Variants in RYR3 observed in about 807,000 individuals in gnomAD.
The protein encoded by RYR3 is brain ryanodine receptor-calcium release channel.
RYR3 carries 207 observed loss-of-function variants against 584.3 expected under a neutral mutation model. The ratio of observed to expected loss-of-function variants is 0.35; its 90% CI spans 0.32 to 0.40. RYR3 has a LOEUF of 0.40. Among genes scored for constraint, RYR3 ranks in the 10% least tolerant of loss-of-function variants. The probability of loss-of-function intolerance (pLI) is 1.00; values close to 1 mark genes in which losing one functional copy is unlikely to be tolerated. For synonymous variants in RYR3, 2,416 were observed against 2,248.5 expected, an observed-to-expected ratio of 1.07 and a Z score of -2.11; for missense variants, 5,616 against 6,089.2, an observed-to-expected ratio of 0.92 and a Z score of 2.59.
At chr15:33,823,442 A>T (rs774513986) in intron 81 of RYR3, among the ~76,000 whole-genome samples, 1 of 152,168 alleles carries the variant, frequency 6.6e-6, no homozygotes, top group Non-Finnish European at 1.5e-5. Context: ...AAAAGGGGGG[A>T]TTCCTGACTA....
At chr15:33,617,475 T>A (rs16973321) in intron 19 of RYR3, among the ~76,000 whole-genome samples, 26,527 of 152,042 alleles carry the variant, frequency 0.17, 2,497 homozygotes, top group African/African-American at 0.23. Flanking sequence ...ATACTGTAGA[T>A]CACTTGCCTG....
At chr15:33,605,601 C>T (rs1266801888) in intron 18 of RYR3, among the ~76,000 whole-genome samples, 2 of 152,200 alleles carry the variant, frequency 1.3e-5, no homozygotes, top group Non-Finnish European at 2.9e-5. Context: ...AAACCAGTGT[C>T]TCCAAGTTTT....
chr15:33,701,094 G>T lies in RYR3; in HGVS notation c.6483+14G>T. 1 of 1,586,092 alleles carries T rather than the reference G, an allele frequency of 6.3e-7. No homozygotes were observed. The highest frequency in any genetic ancestry group is 1.3e-5 in the African/African-American group (1 of 74,496). ...GACCTCGAGAAGGTAACCGGCCCTT[G>T]GGGTGGCAGTGTGGTGTTCTCTTCG... On this transcript the variant is annotated intron_variant, in intron 42 of 103. Coordinates refer to ENST00000634891, the MANE Select transcript of RYR3 (RefSeq NM_001036.6).
intron 94 of RYR3, chr15:33,849,051 T>C (rs2078917742): frequency 6.6e-6 from 1 of 152,418 alleles, no homozygotes; most frequent in Admixed American, 6.5e-5. Flanking sequence ...TTAGCCAGGA[T>C]GGTCTCGATC....
At chr15:33,356,044 G>A (rs751600860) in intron 1 of RYR3, among the ~76,000 whole-genome samples, 18 of 152,066 alleles carry the variant, frequency 1.2e-4, no homozygotes, top group Admixed American at 2.0e-4. Flanking sequence ...GATGGCGGGG[G>A]GTTCTCAGTT....
intron 38 of RYR3, among the ~76,000 whole-genome samples, chr15:33,676,241 T>TAA (rs10690504): frequency 0.38 from 54,241 of 143,230 alleles, 11,174 homozygotes; most frequent in African/African-American, 0.55. Flanking sequence ...CTCTAGAAGG[T>TAA]AAAAAAAAAA....
intron 89 of RYR3, 142 bp downstream of exon 89, chr15:33,839,100 T>C (rs761557515): frequency 5.7e-6 from 6 of 1,045,276 alleles, no homozygotes; most frequent in African/African-American, 3.2e-5. Context: ...ACGCTGATCT[T>C]ATAATTCCAC....
At chr15:33,781,383 C>A (rs2074370348) in intron 65 of RYR3, among the ~76,000 whole-genome samples, 1 of 152,116 alleles carries the variant, frequency 6.6e-6, no homozygotes, top group Admixed American at 6.5e-5. Flanking sequence ...TATTCAGAAC[C>A]AATGTTTTCT....
Position 33,464,378 on chromosome 15 carries a change from A to G in RYR3, c.52-9041A>G, listed in dbSNP as rs556212610. Among the ~76,000 whole-genome samples the G allele has an allele frequency of 4.0e-5, 6 of 150,182 alleles. No individual in the cohort carries two copies. In the East Asian group the frequency reaches 6.0e-4, roughly 15 times the overall value. ...GGTTTTGAGGGAGGATAATGCTTCA[A>G]AAACTTGAGCTCTAAGGATAGGACC... is the stretch of plus-strand genomic sequence containing the variant. On this transcript the variant is annotated intron_variant, in intron 1 of 103. Transcript: ENST00000634891.
rs1312423585 is a variant in RYR3, at chr15:33,826,269, G to C, written c.11164G>C (p.Gly3722Arg). Residue 3722 changes from glycine to arginine, a missense_variant and splice_region_variant, in exon 83 of 104, where the codon GGT (glycine) becomes CGT (arginine). Gly to Arg is a moderately radical substitution (Grantham distance 125). Transcript: ENST00000634891. ...ATTACCAGTCATTGTTCGGGAACGT[G>C]GTAAGTTTCAGTTTCTGGCCTGAGT... ...EEGTLIVRERGEKVLQNDEFT... is the reference protein window; with the variant it reads ...EEGTLIVRERREKVLQNDEFT... The C allele has an allele frequency of 5.6e-6, 9 of 1,613,796 alleles. No individual in the cohort carries two copies. The highest frequency in any genetic ancestry group is 7.6e-6 in the Non-Finnish European group (9 of 1,179,730).
chr15:33,641,979 A>G (rs1311726258), intron 27 of RYR3, among the ~76,000 whole-genome samples: 2 of 149,218 alleles, frequency 1.3e-5, no homozygotes, highest in East Asian at 1.9e-4. Flanking sequence ...TGACTCGAGG[A>G]TAAAGGATCT....
intron 1 of RYR3, among the ~76,000 whole-genome samples, chr15:33,345,260 T>A (rs1972309159): frequency 6.6e-6 from 1 of 152,170 alleles, no homozygotes; most frequent in Non-Finnish European, 1.5e-5. Flanking sequence ...AGCCACTATG[T>A]GCCAGGCATG....
rs1055819748 is a variant in RYR3, at chr15:33,590,035, A to C, written c.1788+3919A>C. ...GATAGGGGTGGGGCCATTTTATAGG[A>C]TTTGGGTGGGTAGTGGAAAATTACA... On this transcript the variant is annotated intron_variant, in intron 16 of 103. Transcript: ENST00000634891. Among the ~76,000 whole-genome samples the C allele has an allele frequency of 4.4e-4, 67 of 150,740 alleles. 2 individuals are homozygous for C. Among genetic ancestry groups the C allele is most frequent in the Non-Finnish European group, 3.0e-5 (2 of 67,790 alleles).
In RYR3 at chr15:33,566,765, C is replaced by T. The variant is rs772848050; in HGVS notation, c.1234C>T (p.Arg412Trp). 4.6e-5 allele frequency: 75 copies of T among 1,613,584 alleles called. No individual in the cohort carries two copies. The highest frequency in any genetic ancestry group is 6.7e-5 in the Admixed American group (4 of 59,986). Residue 412 changes from arginine to tryptophan, a missense_variant, in exon 12 of 104, where the codon CGG becomes TGG. Coordinates refer to ENST00000634891, the MANE Select transcript of RYR3 (RefSeq NM_001036.6). Reference protein sequence around the residue: ...REESQAARIIRNTTALFSQFV... With the variant: ...REESQAARIIWNTTALFSQFV... ...GGAGTCCCAGGCTGCTCGGATCATC[C>T]GGAACACTACAGCCTTATTCAGCCA... is the stretch of plus-strand genomic sequence containing the variant.
At chr15:33,811,621 T>TTGCAAAGAGGA (rs1555468844) in intron 72 of RYR3, among the ~76,000 whole-genome samples, 3 of 151,422 alleles carry the variant, frequency 2.0e-5, no homozygotes, top group Admixed American at 2.0e-4. Context: ...ACAAAGAGGA[T>TTGCAAAGAGGA]TACAAAGAGG....
chr15:33,641,742 A>G (rs560283901), intron 27 of RYR3, among the ~76,000 whole-genome samples: 1 of 152,258 alleles, frequency 6.6e-6, no homozygotes, highest in East Asian at 1.9e-4. Flanking sequence ...GGAGGTCCCC[A>G]ATACTCTGTG....
In RYR3 at chr15:33,773,388, G is replaced by A. The variant is rs965279630; in HGVS notation, c.9056-146G>A. On this transcript the variant is annotated intron_variant, in intron 63 of 103. Transcript: ENST00000634891. ...TCCAGCAATTAGCAAACTGGCATCT[G>A]GGTAGAAAAGGGATATGTTTGTTGA... The A allele has an allele frequency of 6.2e-6, 4 of 642,740 alleles. No individual in the cohort carries two copies. In the African/African-American group the frequency reaches 7.3e-5, roughly 12 times the overall value. The allele number at this position is 642,740 out of a possible 1,614,324, so 39.8% of individuals were successfully genotyped here.
intron 72 of RYR3, among the ~76,000 whole-genome samples, 155 bp downstream of exon 72, chr15:33,811,192 T>G (rs1251482097): frequency 6.6e-6 from 1 of 152,168 alleles, no homozygotes; most frequent in Admixed American, 6.5e-5. Flanking sequence ...TCTCTCTTTT[T>G]TAAATTTTTT....
At chr15:33,604,722 C>T (rs1238933622) in intron 18 of RYR3, among the ~76,000 whole-genome samples, 1 of 152,200 alleles carries the variant, frequency 6.6e-6, no homozygotes, top group Non-Finnish European at 1.5e-5. Context: ...GAACGTGGAG[C>T]TTCCCTTTGT....
Sources: gnomAD v4.1 joint callset for allele counts (sites outside exome capture counted in the v4.1 genomes callset) on GRCh38, gnomAD v4.1.1 for gene constraint, MANE v1.5 for transcripts, NCBI Gene and HGNC (gene_info 2026-07-23, HGNC 2026-07-21) for gene names.